The following CD55 variants were observed in gnomAD, a reference collection of about 807,000 sequenced individuals.
CD55 encodes the protein CD55 molecule (Cromer blood group).
Under a neutral mutation model 45.8 loss-of-function variants are expected in CD55, and 41 were observed. The ratio of observed to expected loss-of-function variants is 0.90; its 90% CI spans 0.70 to 1.16. The LOEUF (loss-of-function observed/expected upper bound fraction) is 1.16. CD55 is among the 50% of genes most tolerant of loss of function. CD55 has a pLI of 0.00. For missense variants in CD55, 416 were observed against 469.8 expected (o/e 0.89, Z 1.06); for synonymous variants, 181 against 181.1 (o/e 1.00, Z 0.01).
chr1:207,337,296 G>A (rs777680617), intron 7 of CD55, 33 bp from the exon 8 acceptor site: 1 of 1,330,014 alleles, frequency 7.5e-7, no homozygotes. Flanking sequence ...GGTCTCAAGA[G>A]TACACAAAGA....
chr1:207,340,262 T>C (rs1168765856), intron 9 of CD55: 2 of 274,112 alleles, frequency 7.3e-6, no homozygotes, highest in Non-Finnish European at 1.4e-5. Context: ...TAATGGCCTC[T>C]AGTTCCATTC....
intron 9 of CD55, among the ~76,000 whole-genome samples, chr1:207,349,372 G>A (rs886917425): frequency 2.0e-5 from 3 of 151,984 alleles, no homozygotes; most frequent in African/African-American, 7.3e-5. Flanking sequence ...TAGTAGAGAT[G>A]AGGTTTCACC....
chr1:207,325,640 C>T lies in CD55; in HGVS notation c.497C>T (p.Pro166Leu), dbSNP rs201591726. 27 of 1,606,264 alleles carry T rather than the reference C, an allele frequency of 1.7e-5. No individual in the cohort carries two copies. Among genetic ancestry groups the T allele is most frequent in the African/African-American group, 2.7e-5 (2 of 74,606 alleles). The change falls in exon 4 of 10, where the codon CCG becomes CTG. Residue 166 changes from proline (P) to leucine (L), a missense_variant. By Grantham distance (98) the Pro-to-Leu change is moderately conservative. Coordinates refer to ENST00000367064, the MANE Select transcript of CD55 (RefSeq NM_000574.5). The stretch of plus-strand genomic sequence containing the variant: ...ATTCTAGAGAAATCATGCCCTAATC[C>T]GGGAGAAATACGAAATGGTCAGATT... The part of the protein sequence containing the change: ...EFCKKKSCPN[P>L]GEIRNGQIDV...
chr1:207,350,122 G>GT (rs974044827), intron 9 of CD55: 3 of 454,160 alleles, frequency 6.6e-6, no homozygotes, highest in Admixed American at 4.7e-5. Context: ...TGATCATGTG[G>GT]TTTTTTTGTT....
chr1:207,326,605 TA>T (rs1158088933), intron 4 of CD55, 146 bp from the exon 5 acceptor site: 1 of 616,638 alleles, frequency 1.6e-6, no homozygotes, highest in Non-Finnish European at 2.9e-6. Context: ...TCTTTTCCTT[TA>T]AACTACTGTG....
chr1:207,354,042 TC>T (rs1655990051), intron 9 of CD55: 2 of 1,535,600 alleles, frequency 1.3e-6, no homozygotes, highest in African/African-American at 2.7e-5. Context: ...GTCTGGGTCA[TC>T]CCACATTTCT....
In CD55 at chr1:207,326,613, T is replaced by C. The variant is rs548867967; in HGVS notation, c.579-139T>C. On this transcript the variant is annotated intron_variant, in intron 4 of 9. Transcript: ENST00000367064. ...TAATTTTTCTTTTCCTTTAAACTAC[T>C]GTGTGGACTTTTATCAACTACTGTT... The C allele has an allele frequency of 9.3e-5, 61 of 653,894 alleles. No homozygotes were observed. In the African/African-American group the frequency reaches 9.9e-4, roughly 11 times the overall value. The allele number at this position is 653,894 out of a possible 1,614,324, so 40.5% of individuals were successfully genotyped here.
At chr1:207,334,471 A>G (rs1655083027) in intron 6 of CD55, among the ~76,000 whole-genome samples, 1 of 152,208 alleles carries the variant, frequency 6.6e-6, no homozygotes, top group African/African-American at 2.4e-5. Flanking sequence ...GGATAAATGA[A>G]TACTGAGTTT....
chr1:207,345,616 G>A (rs1012430536), intron 9 of CD55, among the ~76,000 whole-genome samples: 3 of 151,968 alleles, frequency 2.0e-5, no homozygotes, highest in African/African-American at 7.3e-5. Context: ...GAATTATTGT[G>A]TTCCTTTGGT....
At position 207,322,428 on chromosome 1, in the gene CD55, G is replaced by A. The variant is rs771997746; in HGVS notation, c.147G>A (p.Leu49=). The A allele has an allele frequency of 6.2e-6, 10 of 1,614,214 alleles. No homozygotes were observed. In the South Asian group the frequency reaches 9.9e-5, roughly 16 times the overall value. Residue 49 remains leucine, a synonymous_variant, in exon 2 of 10, where the codon TTG becomes TTA. Coordinates refer to ENST00000367064, the MANE Select transcript of CD55 (RefSeq NM_000574.5). ...PPDVPNAQPA[L]EGRTSFPEDT... Reference sequence around the variant, plus strand: ...ATGTACCTAATGCCCAGCCAGCTTTGGAAGGCCGTACAAGTTTTCCCGAGG... The same window carrying A: ...ATGTACCTAATGCCCAGCCAGCTTTAGAAGGCCGTACAAGTTTTCCCGAGG...
At position 207,333,963 on chromosome 1, in the gene CD55, A is replaced by G. The variant is rs56225587; in HGVS notation, c.853+2667A>G. Among the ~76,000 whole-genome samples the G allele has an allele frequency of 6.6e-3, 1,007 of 152,242 alleles. 6 individuals are homozygous for G. The highest frequency in any genetic ancestry group is 0.01 in the Non-Finnish European group (702 of 67,998). On this transcript the variant is annotated intron_variant, in intron 6 of 9. Transcript: ENST00000367064. ...GGAAGAGGGGAAGGAGGAGGAGGAG[A>G]AGAGAAATAGGAGCAGAAGAAATAT...
At chr1:207,353,747 C>T (rs1275317713) in intron 9 of CD55, among the ~76,000 whole-genome samples, 2 of 152,082 alleles carry the variant, frequency 1.3e-5, no homozygotes, top group African/African-American at 2.4e-5. Context: ...GAAAATCCAA[C>T]GATGATGGCA....
At chr1:207,336,899 C>T in intron 7 of CD55, 81 bp downstream of exon 7, 2 of 1,499,324 alleles carry the variant, frequency 1.3e-6, no homozygotes, top group Non-Finnish European at 1.9e-6. Flanking sequence ...TCCTCAGAAA[C>T]CCACCACAGT....
chr1:207,354,191 G>A, intron 9 of CD55: 1 of 1,314,436 alleles, frequency 7.6e-7, no homozygotes, highest in African/African-American at 1.5e-5. Context: ...AATTTTGTTT[G>A]ATGAATATCA....
At chr1:207,346,666 T>G (rs1655653175) in intron 9 of CD55, among the ~76,000 whole-genome samples, 1 of 152,264 alleles carries the variant, frequency 6.6e-6, no homozygotes, top group Non-Finnish European at 1.5e-5. Context: ...GCTCCTCTAT[T>G]GGGGGTGTCA....
At chr1:207,341,254 C>T (rs1655414150) in intron 9 of CD55, among the ~76,000 whole-genome samples, 1 of 152,102 alleles carries the variant, frequency 6.6e-6, no homozygotes, top group Non-Finnish European at 1.5e-5. Context: ...TTGCTGTACA[C>T]AAGCTTTTTA....
At chr1:207,340,094 G>A (rs943000122) in intron 9 of CD55, among the ~76,000 whole-genome samples, 17 of 151,978 alleles carry the variant, frequency 1.1e-4, no homozygotes, top group Middle Eastern at 3.4e-3. Flanking sequence ...TATACCCATC[G>A]GCCAAAGTCT....
rs186930821 is a variant in CD55, at chr1:207,322,315, T to G, written c.101-67T>G. 13 of 1,329,608 alleles carry G rather than the reference T, an allele frequency of 9.8e-6. No homozygotes were observed. The Admixed American group carries it at 2.0e-4, about 21-fold the overall frequency. 82.4% of individuals were successfully genotyped at this position (1,329,608 alleles called of 1,614,324 possible). A position where few individuals can be genotyped will look rare whatever the true frequency, so the allele number is the denominator to read the frequency against. ...GTGTGGCATTTCAAGGGGGCTTGTG[T>G]CTTGAAAACAGCAACTGTGAGGACA... On this transcript the variant is annotated intron_variant, in intron 1 of 9. Transcript: ENST00000367064.
At chr1:207,348,935 G>T (rs1342831916) in intron 9 of CD55, among the ~76,000 whole-genome samples, 1 of 152,038 alleles carries the variant, frequency 6.6e-6, no homozygotes, top group Non-Finnish European at 1.5e-5. Context: ...GTCTATTTTT[G>T]TACCAGTACC....
Sources: gnomAD v4.1 joint callset for allele counts (sites outside exome capture counted in the v4.1 genomes callset) on GRCh38, gnomAD v4.1.1 for gene constraint, MANE v1.5 for transcripts, NCBI Gene and HGNC (gene_info 2026-07-23, HGNC 2026-07-21) for gene names.